DNAJB6: variants seen among roughly 807,000 people sequenced by gnomAD.
DNAJB6 encodes the protein dnaJ homolog subfamily B member 6.
DNAJB6 carries 16 observed loss-of-function variants against 42.7 expected under a neutral mutation model. The ratio of observed to expected loss-of-function variants is 0.37; its 90% CI spans 0.25 to 0.57. DNAJB6 has a LOEUF of 0.57. Ranked by LOEUF, DNAJB6 falls within the 20% of genes least tolerant of loss-of-function variation. DNAJB6 has a pLI of 0.74. For missense variants in DNAJB6, 347 were observed against 416.8 expected, an observed-to-expected ratio of 0.83 and a Z score of 1.46; for synonymous variants, 170 against 163.5, an observed-to-expected ratio of 1.04 and a Z score of -0.30.
intron 5 of DNAJB6, chr7:157,378,576 C>T (rs1339777756): frequency 6.6e-6 from 1 of 152,278 alleles, no homozygotes; most frequent in Non-Finnish European, 1.5e-5. Context: ...TTGCATTTCT[C>T]TCCAGCTCTG....
At chr7:157,367,172 T>C (rs979723279) in intron 4 of DNAJB6, among the ~76,000 whole-genome samples, 7 of 152,258 alleles carry the variant, frequency 4.6e-5, no homozygotes, top group African/African-American at 1.7e-4. Flanking sequence ...GGGCCACTGC[T>C]GCACTCATAT....
chr7:157,370,171 T>TATTATTAAATGGGACCCTTCTTAAG lies in DNAJB6; in HGVS notation c.346+2697_346+2698insTGGGACCCTTCTTAAGATTATTAAA, dbSNP rs1223261041. ...TATTAAACGGGCCCCTTCTTAACAT[T>TATTATTAAATGGGACCCTTCTTAAG]ATTATTAAACAGGCCCCTTCTTAAC... is the stretch of plus-strand genomic sequence containing the variant. On this transcript the variant is annotated intron_variant, in intron 5 of 9. Transcript: ENST00000262177. Among the ~76,000 whole-genome samples, 5 of 146,142 alleles carry TATTATTAAATGGGACCCTTCTTAAG rather than the reference T, an allele frequency of 3.4e-5. No homozygotes were observed. The East Asian group carries it at 1.4e-3, about 42-fold the overall frequency.
Position 157,394,653 on chromosome 7 carries a change from T to C in DNAJB6, c.691+9042T>C, listed in dbSNP as rs141667210. 8.6e-4 allele frequency among the ~76,000 whole-genome samples: 131 copies of C among 152,390 alleles called. 2 individuals carry two copies. Among genetic ancestry groups the C allele is most frequent in the Admixed American group, 4.3e-3 (66 of 15,310 alleles). ...AATTGTGATTTAATTTTTAATGATTTGCTTGTCTGCAGCTTTTTTGGGAGG... is the reference window on the plus strand; with the variant it reads ...AATTGTGATTTAATTTTTAATGATTCGCTTGTCTGCAGCTTTTTTGGGAGG... On this transcript the variant is annotated intron_variant, in intron 8 of 9. Coordinates refer to ENST00000262177, the MANE Select transcript of DNAJB6 (RefSeq NM_058246.4).
At chr7:157,378,170 C>G (rs1350422091) in intron 5 of DNAJB6, 1 of 152,214 alleles carries the variant, frequency 6.6e-6, no homozygotes, top group African/African-American at 2.4e-5. Flanking sequence ...TGGACACAGC[C>G]ACTTTCTTCC....
At chr7:157,386,072 G>A in intron 8 of DNAJB6, 1 of 985,914 alleles carries the variant, frequency 1.0e-6, no homozygotes, top group Non-Finnish European at 1.2e-6. Context: ...ATTTTTTTCA[G>A]TATTTAGTAG....
At chr7:157,390,283 G>C (rs1343556953) in intron 8 of DNAJB6, among the ~76,000 whole-genome samples, 1 of 152,232 alleles carries the variant, frequency 6.6e-6, no homozygotes, top group African/African-American at 2.4e-5. Context: ...AAGGACCTGC[G>C]TCTTGGCTTT....
chr7:157,339,673 C>T lies in DNAJB6; in HGVS notation c.-27+2529C>T, dbSNP rs563980730. ...AGATGGAGTTTAGCTCTTGCCCCTGCTGGAGTATAATGGCACCATCTTGGC... is the reference window on the plus strand; with the variant it reads ...AGATGGAGTTTAGCTCTTGCCCCTGTTGGAGTATAATGGCACCATCTTGGC... On this transcript the variant is annotated intron_variant, in intron 1 of 9. Coordinates refer to ENST00000262177, the MANE Select transcript of DNAJB6 (RefSeq NM_058246.4). 6 of 147,030 alleles carry T rather than the reference C, an allele frequency of 4.1e-5. No individual in the cohort carries two copies. In the East Asian group the frequency reaches 1.2e-3, roughly 29 times the overall value. 9.1% of individuals were successfully genotyped at this position (147,030 alleles called of 1,614,324 possible). A position where few individuals can be genotyped will look rare whatever the true frequency, so the allele number is the denominator to read the frequency against.
At chr7:157,346,054 A>G (rs1227616589) in intron 1 of DNAJB6, among the ~76,000 whole-genome samples, 2 of 151,776 alleles carry the variant, frequency 1.3e-5, no homozygotes, top group South Asian at 2.1e-4. Flanking sequence ...TTCTGGGATC[A>G]CCTGTTTTCT....
intron 1 of DNAJB6, among the ~76,000 whole-genome samples, chr7:157,342,333 ATTTTTTTTTTTT>A (rs11329531): frequency 9.9e-5 from 6 of 60,410 alleles, no homozygotes; most frequent in South Asian, 9.0e-4. Context: ...ATCCTGGCTA[ATTTTTTTTTTTT>A]TTTTTTTTTT....
chr7:157,387,566 G>A (rs1801132337), intron 8 of DNAJB6, among the ~76,000 whole-genome samples: 1 of 152,174 alleles, frequency 6.6e-6, no homozygotes, highest in Non-Finnish European at 1.5e-5. Context: ...GACATCCAGG[G>A]ATGTCCAGAA....
chr7:157,396,210 A>C (rs1157484982), intron 8 of DNAJB6, among the ~76,000 whole-genome samples: 2 of 152,050 alleles, frequency 1.3e-5, no homozygotes, highest in Non-Finnish European at 2.9e-5. Context: ...CAGCCTCCCA[A>C]AGTGCTGGGA....
At chr7:157,406,225 G>A (rs1477466291) in intron 8 of DNAJB6, among the ~76,000 whole-genome samples, 1 of 152,272 alleles carries the variant, frequency 6.6e-6, no homozygotes, top group East Asian at 1.9e-4. Flanking sequence ...GGGAAGCTCG[G>A]TGTGGGGGTT....
At chr7:157,373,137 AC>A (rs11323904) in intron 5 of DNAJB6, among the ~76,000 whole-genome samples, 18,839 of 152,146 alleles carry the variant, frequency 0.12, 2,169 homozygotes, top group African/African-American at 0.3. Flanking sequence ...TTTCATCTTA[AC>A]TTGATAATCT....
Position 157,367,265 on chromosome 7 carries a change from T to G in DNAJB6, c.236-108T>G, listed in dbSNP as rs954666764. 4.1e-6 allele frequency: 3 copies of G among 737,330 alleles called. No homozygotes were observed. The African/African-American group carries it at 5.3e-5, about 13-fold the overall frequency. The allele number at this position is 737,330 out of a possible 1,614,324, so 45.7% of individuals were successfully genotyped here. A position where few individuals can be genotyped will look rare whatever the true frequency, so the allele number is the denominator to read the frequency against. ...TAGAGAACTTCAGGTTTATGAAATA[T>G]TTTTGTTTTTATTAGTTCATGATTT... On this transcript the variant is annotated intron_variant, in intron 4 of 9. Transcript: ENST00000262177.
At chr7:157,405,691 G>A (rs530805092) in intron 8 of DNAJB6, among the ~76,000 whole-genome samples, 76 of 152,276 alleles carry the variant, frequency 5.0e-4, no homozygotes, top group Admixed American at 2.2e-3. Flanking sequence ...CACATCCTGC[G>A]CCAATTAAAC....
At chr7:157,396,345 G>C (rs563199020) in intron 8 of DNAJB6, among the ~76,000 whole-genome samples, 1 of 152,354 alleles carries the variant, frequency 6.6e-6, no homozygotes, top group African/African-American at 2.4e-5. Context: ...TCAGGGCGAC[G>C]TGTTTCTTGA....
chr7:157,370,655 G>A (rs555213272), intron 5 of DNAJB6: 17 of 152,684 alleles, frequency 1.1e-4, no homozygotes, highest in African/African-American at 1.9e-4. Context: ...TTACTGAAGC[G>A]CTTTACTGTT....
intron 1 of DNAJB6, among the ~76,000 whole-genome samples, chr7:157,349,287 A>G (rs1296659282): frequency 6.6e-6 from 1 of 152,200 alleles, no homozygotes; most frequent in East Asian, 1.9e-4. Context: ...GTATGATTAA[A>G]TTCAATCAGA....
At position 157,416,209 on chromosome 7, in the gene DNAJB6, C is replaced by T; in HGVS notation, c.*111C>T. 6.7e-7 allele frequency: 1 copy of T among 1,488,210 alleles called. No individual in the cohort carries two copies. The highest frequency in any genetic ancestry group is 9.1e-7 in the Non-Finnish European group (1 of 1,098,888). The allele number at this position is 1,488,210 out of a possible 1,614,324, so 92.2% of individuals were successfully genotyped here. ...GCGTCGGTCAGGACTGTCTCGAGGC[C>T]ACACTCGCTCGGCAGGATTATGCGA... On this transcript the variant is annotated 3_prime_UTR_variant, in exon 10 of 10. Coordinates refer to ENST00000262177, the MANE Select transcript of DNAJB6 (RefSeq NM_058246.4).
Sources: allele counts gnomAD v4.1 joint callset (sites outside exome capture counted in the v4.1 genomes callset), GRCh38; gene constraint gnomAD v4.1.1; transcripts MANE v1.5; gene names NCBI Gene and HGNC (gene_info 2026-07-23, HGNC 2026-07-21).